WDR17: variants seen among roughly 807,000 people sequenced by gnomAD.
WDR17 encodes WD repeat domain 17, also known as WD repeat-containing protein 17.
WDR17 carries 143 observed loss-of-function variants against 161.7 expected under a neutral mutation model. That is an observed-to-expected ratio of 0.88 (90% CI 0.77 to 1.02). WDR17 has a LOEUF of 1.02. Among genes scored for constraint, WDR17 ranks in the 50% least tolerant of loss-of-function variants. WDR17 has a pLI of 0.00. For missense variants in WDR17, 1,469 were observed against 1,520.9 expected (o/e 0.97, Z 0.57); for synonymous variants, 517 against 515.6 (o/e 1.00, Z -0.04).
chr4:176,122,029 CT>C (rs1741670849), intron 4 of WDR17, among the ~76,000 whole-genome samples: 1 of 152,164 alleles, frequency 6.6e-6, no homozygotes, highest in Admixed American at 6.5e-5. Flanking sequence ...AACAGGACAG[CT>C]TAGAACAGCA....
Position 176,179,445 on chromosome 4 carries a change from A to C in WDR17, c.3733-15A>C. 6.6e-7 allele frequency: 1 copy of C among 1,509,060 alleles called. No individual in the cohort carries two copies. Among genetic ancestry groups the C allele is most frequent in the Middle Eastern group, 1.8e-4 (1 of 5,638 alleles). 93.5% of individuals were successfully genotyped at this position (1,509,060 alleles called of 1,614,324 possible). A position where few individuals can be genotyped will look rare whatever the true frequency, so the allele number is the denominator to read the frequency against. ...TATAATCTCATCTTCTCTTTCCTCA[A>C]CTCTCACTGTGCAGGGCCCTGTGTT... On this transcript the variant is annotated splice_polypyrimidine_tract_variant and intron_variant, in intron 28 of 28. Coordinates refer to ENST00000508596, the MANE Select transcript of WDR17 (RefSeq NM_181265.4).
At position 176,133,620 on chromosome 4, in the gene WDR17, T is replaced by C. The variant is rs1246749227; in HGVS notation, c.1099-1488T>C. Among the ~76,000 whole-genome samples, 3 of 151,620 alleles carry C rather than the reference T, an allele frequency of 2.0e-5. No homozygotes were observed. In the East Asian group the frequency reaches 5.8e-4, roughly 29 times the overall value. On this transcript the variant is annotated intron_variant, in intron 7 of 28. Transcript: ENST00000508596. ...CAGAGGGAGGCAGTCATTTTTTCCT[T>C]ATAGTTTCAATTTTCTTAACACAGA...
chr4:176,071,214 A>T (rs1212632285), intron 1 of WDR17, among the ~76,000 whole-genome samples: 1 of 151,610 alleles, frequency 6.6e-6, no homozygotes, highest in Non-Finnish European at 1.5e-5. Context: ...GTATCTTTTT[A>T]TGACAAATAT....
At chr4:176,124,946 G>A (rs1233241345) in intron 4 of WDR17, among the ~76,000 whole-genome samples, 158 bp from the exon 5 acceptor site, 3 of 152,118 alleles carry the variant, frequency 2.0e-5, no homozygotes, top group African/African-American at 7.2e-5. Context: ...AGATCTTTCT[G>A]CATTCACATG....
chr4:176,078,675 A>G (rs1412319655), intron 1 of WDR17, among the ~76,000 whole-genome samples: 1 of 152,040 alleles, frequency 6.6e-6, no homozygotes, highest in East Asian at 1.9e-4. Context: ...TTAAAATTAT[A>G]TTTTGCTGCT....
intron 1 of WDR17, among the ~76,000 whole-genome samples, chr4:176,086,234 G>A (rs1218543925): frequency 6.6e-6 from 1 of 151,880 alleles, no homozygotes; most frequent in Non-Finnish European, 1.5e-5. Flanking sequence ...TTTGTAAGTA[G>A]CCCATGTTTA....
chr4:176,157,199 T>C (rs1748286437), intron 18 of WDR17, among the ~76,000 whole-genome samples: 1 of 152,198 alleles, frequency 6.6e-6, no homozygotes, highest in African/African-American at 2.4e-5. Context: ...TATTTATTAA[T>C]GCCTACTATA....
intron 4 of WDR17, 64 bp downstream of exon 4, chr4:176,120,161 G>C (rs1290159701): frequency 7.5e-7 from 1 of 1,328,228 alleles, no homozygotes; most frequent in African/African-American, 1.5e-5. Context: ...TTTTGTACTT[G>C]CTTGGTCTTT....
rs557469333 is a variant in WDR17 at position 176,096,075 on chromosome 4, A to G, written c.-6-15500A>G. Among the ~76,000 whole-genome samples the G allele has an allele frequency of 7.2e-5, 11 of 152,176 alleles. 1 individual carries two copies. Among genetic ancestry groups the G allele is most frequent in the African/African-American group, 2.6e-4 (11 of 41,576 alleles). On this transcript the variant is annotated intron_variant, in intron 1 of 28. Coordinates refer to ENST00000508596, the MANE Select transcript of WDR17 (RefSeq NM_181265.4). ...ACAGAAATATAGGATTGGTTTTGTC[A>G]TTGTATACCTTTTAACTTAGAAAGC...
At chr4:176,113,079 A>G (rs1740037524) in intron 2 of WDR17, among the ~76,000 whole-genome samples, 1 of 151,904 alleles carries the variant, frequency 6.6e-6, no homozygotes, top group Admixed American at 6.6e-5. Flanking sequence ...TATAACTCAC[A>G]CTTCTTCATT....
At chr4:176,126,686 G>A (rs2126740631) in intron 5 of WDR17, among the ~76,000 whole-genome samples, 2 of 152,236 alleles carry the variant, frequency 1.3e-5, no homozygotes, top group South Asian at 4.2e-4. Context: ...AAGTGATGTG[G>A]CTTGACCGTG....
At chr4:176,120,139 T>C in intron 4 of WDR17, 42 bp downstream of exon 4, 1 of 1,473,580 alleles carries the variant, frequency 6.8e-7, no homozygotes, top group East Asian at 2.4e-5. Context: ...AGTATATTTT[T>C]CTTATATATA....
At chr4:176,119,834 C>G in intron 3 of WDR17, 33 bp from the exon 4 acceptor site, 1 of 1,571,860 alleles carries the variant, frequency 6.4e-7, no homozygotes, top group Non-Finnish European at 8.8e-7. Context: ...TATGCTGTAT[C>G]TTTATTATGT....
At chr4:176,168,816 A>T in intron 23 of WDR17, 33 bp downstream of exon 23, 1 of 1,596,902 alleles carries the variant, frequency 6.3e-7, no homozygotes, top group African/African-American at 1.3e-5. Flanking sequence ...TCTGGTTTGG[A>T]ATGCAGTGCT....
At chr4:176,081,585 A>T (rs79673542) in intron 1 of WDR17, among the ~76,000 whole-genome samples, 1,772 of 152,288 alleles carry the variant, frequency 0.012, 18 homozygotes, top group Non-Finnish European at 0.019. Context: ...AAAATCAGTA[A>T]CTAAAACAGA....
intron 13 of WDR17, among the ~76,000 whole-genome samples, chr4:176,149,083 C>A (rs1423230074): frequency 6.6e-6 from 1 of 152,106 alleles, no homozygotes; most frequent in Non-Finnish European, 1.5e-5. Context: ...AGGTCCCCAA[C>A]TCTTCATCTT....
rs542385787 is a variant in WDR17, at chr4:176,077,349, C to G, written c.-7+11270C>G. Among the ~76,000 whole-genome samples, 590 of 151,992 alleles carry G rather than the reference C, an allele frequency of 3.9e-3. 5 individuals are homozygous for G. Among genetic ancestry groups the G allele is most frequent in the African/African-American group, 0.013 (540 of 41,468 alleles). ...TCTGGTTGACATTGATCTTGTTTTT[C>G]TAAATTGGGGGCATTTAATGAGGCA... On this transcript the variant is annotated intron_variant, in intron 1 of 28. Transcript: ENST00000508596.
At chr4:176,094,500 T>C (rs1736552065) in intron 1 of WDR17, among the ~76,000 whole-genome samples, 1 of 152,216 alleles carries the variant, frequency 6.6e-6, no homozygotes. Flanking sequence ...AAGAGCTCAC[T>C]ACTCACAGGA....
chr4:176,172,636 A>G, intron 24 of WDR17, 120 bp downstream of exon 24: 1 of 908,754 alleles, frequency 1.1e-6, no homozygotes, highest in Non-Finnish European at 1.6e-6. Flanking sequence ...GAGGCTGGGT[A>G]ATTTATAAAG....
Sources: gnomAD v4.1 joint callset for allele counts (sites outside exome capture counted in the v4.1 genomes callset) on GRCh38, gnomAD v4.1.1 for gene constraint, MANE v1.5 for transcripts, NCBI Gene and HGNC (gene_info 2026-07-23, HGNC 2026-07-21) for gene names.